Variants in CLEC2D observed in about 807,000 individuals in gnomAD.
CLEC2D encodes C-type lectin domain family 2 member D.
A neutral mutation model predicts 20.0 loss-of-function variants in CLEC2D; 16 were observed. That is an observed-to-expected ratio of 0.80 (90% CI 0.54 to 1.22). The LOEUF is 1.22. Among genes scored for constraint, CLEC2D ranks in the 50% most tolerant of loss-of-function variants. The probability of loss-of-function intolerance (pLI) is 0.00; values close to 1 mark genes in which losing one functional copy is unlikely to be tolerated. For missense variants in CLEC2D, 207 were observed against 221.5 expected, an observed-to-expected ratio of 0.93 and a Z score of 0.42; for synonymous variants, 77 against 71.1, an observed-to-expected ratio of 1.08 and a Z score of -0.42.
At chr12:9,678,145 C>T (rs938396959) in intron 1 of CLEC2D, among the ~76,000 whole-genome samples, 1 of 152,108 alleles carries the variant, frequency 6.6e-6, no homozygotes, top group East Asian at 1.9e-4. Context: ...TTGTTAGGTG[C>T]GTGCACATTT....
Position 9,697,930 on chromosome 12 carries a change from A to G in CLEC2D, c.*3056A>G, listed in dbSNP as rs2121003952. 1 of 151,474 alleles carries G rather than the reference A, an allele frequency of 6.6e-6. No individual in the cohort carries two copies. 9.4% of individuals were successfully genotyped at this position (151,474 alleles called of 1,614,324 possible). On this transcript the variant is annotated 3_prime_UTR_variant, in exon 5 of 5. Transcript: ENST00000290855. The stretch of plus-strand genomic sequence containing the variant: ...TTTAGATATTCTTACCACACAGACA[A>G]AAAGAAATGTAAGTATGTGAGATGA...
intron 2 of CLEC2D, among the ~76,000 whole-genome samples, chr12:9,686,687 T>C (rs1231210540): frequency 6.6e-6 from 1 of 152,156 alleles, no homozygotes; most frequent in Non-Finnish European, 1.5e-5. Context: ...TAATAGAAGA[T>C]GAACTGGTAG....
intron 2 of CLEC2D, among the ~76,000 whole-genome samples, chr12:9,683,711 CTG>C (rs1865693247): frequency 6.6e-6 from 1 of 152,070 alleles, no homozygotes; most frequent in African/African-American, 2.4e-5. Context: ...TCTGAGGCCT[CTG>C]TTCTGTCCAT....
chr12:9,677,707 CTTTTTTT>C (rs36120151), intron 1 of CLEC2D, among the ~76,000 whole-genome samples: 3 of 122,434 alleles, frequency 2.5e-5, no homozygotes, highest in Non-Finnish European at 5.1e-5. Flanking sequence ...TTCTTTCTTT[CTTTTTTT>C]TTTTTTTTTT....
intron 1 of CLEC2D, chr12:9,680,234 TC>T (rs1047772092): frequency 1.1e-4 from 36 of 338,228 alleles, no homozygotes; most frequent in African/African-American, 7.2e-4. Flanking sequence ...CACGTTTGCT[TC>T]CTCTTCCACC....
Position 9,695,749 on chromosome 12 carries a change from G to T in CLEC2D, c.*875G>T. The T allele has an allele frequency of 5.6e-6, 8 of 1,419,944 alleles. No homozygotes were observed. Among genetic ancestry groups the T allele is most frequent in the Non-Finnish European group, 6.9e-6 (7 of 1,014,648 alleles). 88.0% of individuals were successfully genotyped at this position (1,419,944 alleles called of 1,614,324 possible). On this transcript the variant is annotated 3_prime_UTR_variant, in exon 5 of 5. Transcript: ENST00000290855. ...GCACTTAGTAGCTGTGAAGGAAGGT[G>T]CAGAGTCAGAAGATGAAGAAGAGGA...
intron 1 of CLEC2D, among the ~76,000 whole-genome samples, chr12:9,677,109 A>G (rs916659329): frequency 2.0e-5 from 3 of 149,832 alleles, no homozygotes; most frequent in Admixed American, 1.3e-4. Flanking sequence ...TCAGTGTCCC[A>G]TTTTTTATTT....
intron 3 of CLEC2D, among the ~76,000 whole-genome samples, chr12:9,691,854 AAAAC>A (rs1865871037): frequency 6.6e-6 from 1 of 152,218 alleles, no homozygotes; most frequent in Admixed American, 6.5e-5. Flanking sequence ...TAAAAAAAGT[AAAAC>A]AAAAATAGAA....
intron 1 of CLEC2D, among the ~76,000 whole-genome samples, chr12:9,678,898 A>G (rs1865576567): frequency 6.6e-6 from 1 of 152,150 alleles, no homozygotes; most frequent in Non-Finnish European, 1.5e-5. Flanking sequence ...ATAAAGTTCC[A>G]TATTTTCTCA....
At chr12:9,674,563 GTTTTC>G (rs1378685546) in intron 1 of CLEC2D, among the ~76,000 whole-genome samples, 2 of 152,198 alleles carry the variant, frequency 1.3e-5, no homozygotes, top group African/African-American at 4.8e-5. Context: ...CTTCAAGTAT[GTTTTC>G]TTTTGTAAGA....
intron 1 of CLEC2D, among the ~76,000 whole-genome samples, chr12:9,678,793 A>G (rs1473768479): frequency 2.0e-5 from 3 of 152,166 alleles, no homozygotes; most frequent in African/African-American, 7.2e-5. Context: ...CTCCTGCCTC[A>G]GTGTCTCAAA....
chr12:9,672,118 C>T (rs1395559780), intron 1 of CLEC2D, among the ~76,000 whole-genome samples: 3 of 152,160 alleles, frequency 2.0e-5, no homozygotes, highest in Admixed American at 6.5e-5. Flanking sequence ...CTGAGAAACA[C>T]ATCTTGCTCC....
intron 3 of CLEC2D, among the ~76,000 whole-genome samples, chr12:9,690,978 ATAAAT>A (rs1404144998): frequency 6.6e-5 from 10 of 152,100 alleles, no homozygotes; most frequent in East Asian, 5.8e-4. Flanking sequence ...AAAAACTAAA[ATAAAT>A]TAAAAAGAAA....
rs753403199 is a variant in CLEC2D, at chr12:9,680,926, G to T, written c.65G>T (p.Cys22Phe). 1.3e-6 allele frequency: 2 copies of T among 1,493,032 alleles called. No homozygotes were observed. The highest frequency in any genetic ancestry group is 9.3e-7 in the Non-Finnish European group (1 of 1,072,986). The allele number at this position is 1,493,032 out of a possible 1,614,324, so 92.5% of individuals were successfully genotyped here. The change falls in exon 2 of 5, where the codon TGT becomes TTT. Residue 22 changes from cysteine (C) to phenylalanine (F), a missense_variant. Cys to Phe is a radical substitution (Grantham distance 205). Coordinates refer to ENST00000290855, the MANE Select transcript of CLEC2D (RefSeq NM_013269.6). Reference protein sequence around the residue: ...TPSELPANPGCLHSKEHSIKA... With the variant: ...TPSELPANPGFLHSKEHSIKA... ...GTTTTTCAATAATTTTTTCCAGGTT[G>T]TCTGCATTCAAAAGAGCATTCTATT...
At chr12:9,685,768 C>T (rs1865735020) in intron 2 of CLEC2D, among the ~76,000 whole-genome samples, 1 of 152,196 alleles carries the variant, frequency 6.6e-6, no homozygotes, top group South Asian at 2.1e-4. Context: ...AATTTCCAGC[C>T]AGTGGGTCTT....
Position 9,683,403 on chromosome 12 carries a change from T to G in CLEC2D, c.172+2370T>G, listed in dbSNP as rs1865686684. Among the ~76,000 whole-genome samples, 4 of 151,474 alleles carry G rather than the reference T, an allele frequency of 2.6e-5. No homozygotes were observed. The South Asian group carries it at 8.4e-4, about 32-fold the overall frequency. On this transcript the variant is annotated intron_variant, in intron 2 of 4. Transcript: ENST00000290855. ...TAGATCCCGCTTGTCAATTTTTGCT[T>G]TTGTTGCAATTGCTTTTGGTGTTTT...
At chr12:9,685,933 G>C (rs368941654) in intron 2 of CLEC2D, among the ~76,000 whole-genome samples, 2 of 152,256 alleles carry the variant, frequency 1.3e-5, no homozygotes, top group South Asian at 4.1e-4. Flanking sequence ...CTTGGTGACT[G>C]CCCAAATCGC....
chr12:9,681,655 C>T (rs866875623), intron 2 of CLEC2D, among the ~76,000 whole-genome samples: 1 of 152,166 alleles, frequency 6.6e-6, no homozygotes, highest in South Asian at 2.1e-4. Flanking sequence ...AGCACTTCCC[C>T]CAAACCTCAT....
At chr12:9,675,112 A>G (rs1294699801) in intron 1 of CLEC2D, among the ~76,000 whole-genome samples, 1 of 151,114 alleles carries the variant, frequency 6.6e-6, no homozygotes, top group Non-Finnish European at 1.5e-5. Flanking sequence ...AGATCAGTTG[A>G]CTATATTTAT....
Sources: allele counts gnomAD v4.1 joint callset (sites outside exome capture counted in the v4.1 genomes callset), GRCh38; gene constraint gnomAD v4.1.1; transcripts MANE v1.5; gene names NCBI Gene and HGNC (gene_info 2026-07-23, HGNC 2026-07-21).